Variants in MON2 observed in about 807,000 individuals in gnomAD.
MON2 encodes the protein protein MON2 homolog.
A neutral mutation model predicts 208.6 loss-of-function variants in MON2; 84 were observed. The ratio of observed to expected loss-of-function variants is 0.40; its 90% CI spans 0.34 to 0.48. The LOEUF is 0.48. Among genes scored for constraint, MON2 ranks in the 20% least tolerant of loss-of-function variants. The pLI is 0.59. For synonymous variants in MON2, 660 were observed against 694.0 expected, an observed-to-expected ratio of 0.95 and a Z score of 0.77; for missense variants, 1,611 against 2,015.4, an observed-to-expected ratio of 0.80 and a Z score of 3.84.
chr12:62,536,757 T>G (rs2072994575), intron 14 of MON2, among the ~76,000 whole-genome samples: 1 of 151,784 alleles, frequency 6.6e-6, no homozygotes, highest in African/African-American at 2.4e-5. Flanking sequence ...ACCCAGATCT[T>G]GGCTCACTGC....
chr12:62,510,480 C>T (rs181246280), intron 8 of MON2, among the ~76,000 whole-genome samples: 86 of 152,242 alleles, frequency 5.6e-4, no homozygotes, highest in African/African-American at 2.0e-3. Flanking sequence ...GACGTTTCAA[C>T]ATACAAGAAT....
chr12:62,566,845 C>T (rs929741888), intron 29 of MON2, among the ~76,000 whole-genome samples: 3 of 151,870 alleles, frequency 2.0e-5, no homozygotes, highest in Non-Finnish European at 4.4e-5. Flanking sequence ...TGTAACAAAC[C>T]TGCATGTTGT....
chr12:62,510,873 G>A (rs559906788), intron 8 of MON2, among the ~76,000 whole-genome samples: 19 of 152,292 alleles, frequency 1.2e-4, no homozygotes, highest in Middle Eastern at 3.4e-3. Context: ...GCTAATGTAT[G>A]TTTTATCTAG....
At chr12:62,474,474 G>C (rs1389551109) in intron 1 of MON2, among the ~76,000 whole-genome samples, 1 of 151,472 alleles carries the variant, frequency 6.6e-6, no homozygotes, top group African/African-American at 2.4e-5. Context: ...ATCCAGGCTG[G>C]AGTGCAGTGG....
intron 30 of MON2, among the ~76,000 whole-genome samples, chr12:62,572,538 C>G (rs2074632275): frequency 6.6e-6 from 1 of 152,154 alleles, no homozygotes; most frequent in Admixed American, 6.5e-5. Flanking sequence ...CTCGACCTCC[C>G]AGGCTCAAGC....
At chr12:62,507,220 C>T (rs1419300740) in intron 7 of MON2, among the ~76,000 whole-genome samples, 5 of 152,110 alleles carry the variant, frequency 3.3e-5, no homozygotes, top group Non-Finnish European at 5.9e-5. Flanking sequence ...CTTATACTCT[C>T]TTAGGAAATT....
intron 21 of MON2, 63 bp downstream of exon 21, chr12:62,545,071 AT>A: frequency 9.3e-7 from 1 of 1,076,312 alleles, no homozygotes; most frequent in African/African-American, 1.6e-5. Flanking sequence ...TCCATATGTG[AT>A]TTTTTTCTTA....
chr12:62,573,688 T>C (rs1171046419), intron 30 of MON2, among the ~76,000 whole-genome samples: 1 of 151,960 alleles, frequency 6.6e-6, no homozygotes, highest in African/African-American at 2.4e-5. Context: ...GTTTTTGTTT[T>C]TCTTGAGAGT....
At chr12:62,488,419 C>T (rs933975268) in intron 2 of MON2, among the ~76,000 whole-genome samples, 2 of 152,018 alleles carry the variant, frequency 1.3e-5, no homozygotes, top group Non-Finnish European at 1.5e-5. Context: ...TTGGTGTATT[C>T]GGATACACTA....
In MON2 at chr12:62,596,430, T is replaced by C. The variant is rs2075528523; in HGVS notation, c.*3681T>C. The stretch of plus-strand genomic sequence containing the variant: ...AGGCTCAGAATATTGTGGATTACAG[T>C]TTTTCAGAGAAAACTACCACAGATG... On this transcript the variant is annotated 3_prime_UTR_variant, in exon 35 of 35. Coordinates refer to ENST00000393630, the MANE Select transcript of MON2 (RefSeq NM_015026.3). The C allele has an allele frequency of 6.6e-6, 1 of 152,142 alleles. No homozygotes were observed. The highest frequency in any genetic ancestry group is 2.1e-4 in the South Asian group (1 of 4,834). 9.4% of individuals were successfully genotyped at this position (152,142 alleles called of 1,614,324 possible). A position where few individuals can be genotyped will look rare whatever the true frequency, so the allele number is the denominator to read the frequency against.
chr12:62,583,652 A>G (rs923057166), intron 32 of MON2, among the ~76,000 whole-genome samples: 20 of 152,020 alleles, frequency 1.3e-4, no homozygotes, highest in African/African-American at 4.8e-4. Context: ...AAAGTTCAGT[A>G]TAAAAGACAT....
intron 11 of MON2, among the ~76,000 whole-genome samples, chr12:62,526,893 G>C (rs528385613): frequency 2.1e-4 from 32 of 152,268 alleles, no homozygotes; most frequent in African/African-American, 7.7e-4. Flanking sequence ...TTGGGAGGCC[G>C]ATGTGGGCAG....
chr12:62,525,827 G>T, intron 10 of MON2, 122 bp from the exon 11 acceptor site: 1 of 750,604 alleles, frequency 1.3e-6, no homozygotes, highest in South Asian at 1.8e-5. Flanking sequence ...ATTTATTTCT[G>T]CAATACCCAT....
Position 62,467,001 on chromosome 12 carries a change from G to C in MON2, c.-207G>C, listed in dbSNP as rs1046767612. 1.9e-6 allele frequency: 1 copy of C among 524,120 alleles called. No homozygotes were observed. Among genetic ancestry groups the C allele is most frequent in the Non-Finnish European group, 3.4e-6 (1 of 295,206 alleles). 32.5% of individuals were successfully genotyped at this position (524,120 alleles called of 1,614,324 possible). Reference sequence around the variant, plus strand: ...GAGCCTAGCGGGACGGTGCGACTGCGGGGGGCGCCTCCGAGAAAAGCCAGA... The same window carrying C: ...GAGCCTAGCGGGACGGTGCGACTGCCGGGGGCGCCTCCGAGAAAAGCCAGA... On this transcript the variant is annotated 5_prime_UTR_variant, in exon 1 of 35. Coordinates refer to ENST00000393630, the MANE Select transcript of MON2 (RefSeq NM_015026.3).
chr12:62,590,808 G>A, intron 34 of MON2, among the ~76,000 whole-genome samples: 1 of 152,130 alleles, frequency 6.6e-6, no homozygotes, highest in East Asian at 1.9e-4. Flanking sequence ...AGCCTCCCAA[G>A]TAGCTGGGAC....
At chr12:62,577,847 G>C (rs551047411) in intron 30 of MON2, among the ~76,000 whole-genome samples, 26 of 152,066 alleles carry the variant, frequency 1.7e-4, no homozygotes, top group African/African-American at 6.3e-4. Context: ...CCATTTTACT[G>C]TTCACTCTTA....
intron 24 of MON2, among the ~76,000 whole-genome samples, chr12:62,553,646 CAAACA>C (rs1016442207): frequency 1.3e-5 from 2 of 152,128 alleles, no homozygotes; most frequent in Non-Finnish European, 2.9e-5. Flanking sequence ...GTAGACTCAC[CAAACA>C]AAAGTAACCT....
chr12:62,514,624 G>A (rs746132750), intron 8 of MON2, among the ~76,000 whole-genome samples: 15 of 152,088 alleles, frequency 9.9e-5, no homozygotes, highest in Non-Finnish European at 2.9e-5. Context: ...CTCCCACTGG[G>A]TCCCTCCCAG....
chr12:62,592,675 C>T lies in MON2; in HGVS notation c.5080C>T (p.Leu1694Phe). 6.2e-7 allele frequency: 1 copy of T among 1,611,562 alleles called. No individual in the cohort carries two copies. The highest frequency in any genetic ancestry group is 8.5e-7 in the Non-Finnish European group (1 of 1,178,116). Residue 1694 changes from leucine to phenylalanine, a missense_variant, in exon 35 of 35, where the codon CTT (leucine) becomes TTT (phenylalanine). By Grantham distance (22) the Leu-to-Phe change is conservative. Coordinates refer to ENST00000393630, the MANE Select transcript of MON2 (RefSeq NM_015026.3). ...TTCTTCTTCAGAAGTCTGTTCTGCA[C>T]TTAAAGAGGCACTAGTTCCTTTTAA... ...TCSSSEVCSA[L>F]KEALVPFKDF...
Sources: gnomAD v4.1 joint callset for allele counts (sites outside exome capture counted in the v4.1 genomes callset) on GRCh38, gnomAD v4.1.1 for gene constraint, MANE v1.5 for transcripts, NCBI Gene and HGNC (gene_info 2026-07-23, HGNC 2026-07-21) for gene names.